The following NRXN1 variants were observed in gnomAD, a reference collection of about 807,000 sequenced individuals.
NRXN1 encodes neurexin-1.
A neutral mutation model predicts 150.9 loss-of-function variants in NRXN1; 39 were observed. The ratio of observed to expected loss-of-function variants is 0.26; its 90% confidence interval spans 0.20 to 0.34. NRXN1 has a LOEUF of 0.34. NRXN1 is among the 10% of genes least tolerant of loss of function. The pLI is 1.00. For missense variants in NRXN1, 1,815 were observed against 1,949.9 expected (o/e 0.93, Z 1.30); for synonymous variants, 924 against 757.0 (o/e 1.22, Z -3.62).
intron 17 of NRXN1, among the ~76,000 whole-genome samples, chr2:50,422,784 TGA>T (rs1295098042): frequency 6.6e-6 from 1 of 152,188 alleles, no homozygotes; most frequent in Non-Finnish European, 1.5e-5. Context: ...CAACAAAAAT[TGA>T]GAGTTAGGTC....
At chr2:50,475,640 G>C (rs538714485) in intron 15 of NRXN1, among the ~76,000 whole-genome samples, 96 of 152,078 alleles carry the variant, frequency 6.3e-4, no homozygotes, top group African/African-American at 2.3e-3. Flanking sequence ...AGGTAGACGA[G>C]GTTGGCTTTA....
intron 17 of NRXN1, among the ~76,000 whole-genome samples, chr2:50,332,532 A>G (rs2076901567): frequency 6.6e-6 from 1 of 152,208 alleles, no homozygotes; most frequent in African/African-American, 2.4e-5. Flanking sequence ...CTGCAAGGAA[A>G]ATGTTAACCA....
At chr2:50,390,021 C>G (rs982177385) in intron 17 of NRXN1, among the ~76,000 whole-genome samples, 1 of 152,128 alleles carries the variant, frequency 6.6e-6, no homozygotes, top group African/African-American at 2.4e-5. Flanking sequence ...ATGCCTACAT[C>G]TTATACTTGA....
At chr2:50,910,541 C>A (rs1382188640) in intron 5 of NRXN1, among the ~76,000 whole-genome samples, 3 of 151,860 alleles carry the variant, frequency 2.0e-5, no homozygotes, top group African/African-American at 7.3e-5. Flanking sequence ...TATGCTTGTG[C>A]AACAAGATTT....
At chr2:50,013,127 A>C (rs1030887240) in intron 21 of NRXN1, among the ~76,000 whole-genome samples, 1 of 152,156 alleles carries the variant, frequency 6.6e-6, no homozygotes, top group South Asian at 2.1e-4. Flanking sequence ...TTTCATGTCC[A>C]ATAAAGTATT....
At chr2:50,792,630 C>T (rs1706211054) in intron 5 of NRXN1, among the ~76,000 whole-genome samples, 1 of 151,772 alleles carries the variant, frequency 6.6e-6, no homozygotes, top group African/African-American at 2.4e-5. Flanking sequence ...GAAATATTAC[C>T]AATGAGAAAA....
intron 17 of NRXN1, among the ~76,000 whole-genome samples, chr2:50,251,102 T>G (rs547879814): frequency 2.6e-5 from 4 of 151,926 alleles, no homozygotes; most frequent in South Asian, 2.1e-4. Context: ...TGTAATACAA[T>G]ATGTAATAGA....
At chr2:50,643,938 G>C (rs1226396257) in intron 5 of NRXN1, among the ~76,000 whole-genome samples, 2 of 151,808 alleles carry the variant, frequency 1.3e-5, no homozygotes, top group Non-Finnish European at 2.9e-5. Flanking sequence ...AATTGAGACT[G>C]TGAATTGAAT....
chr2:50,280,293 A>C (rs1256284568), intron 17 of NRXN1, among the ~76,000 whole-genome samples: 1 of 139,176 alleles, frequency 7.2e-6, no homozygotes, highest in Non-Finnish European at 1.6e-5. Flanking sequence ...AAAAAAAAAA[A>C]ACAGATATAT....
rs558469628 is a variant in NRXN1, at chr2:50,182,655, T to C, written c.3546+54134A>G. On this transcript the variant is annotated intron_variant, in intron 18 of 22. Coordinates refer to ENST00000401669, the MANE Select transcript of NRXN1 (RefSeq NM_001330078.2). ...TGTCTTAAAACCTGCTCATTCCTTCTTCGAGCTGTCGCCATCCTCTACAAT... is the reference window on the plus strand; with the variant it reads ...TGTCTTAAAACCTGCTCATTCCTTCCTCGAGCTGTCGCCATCCTCTACAAT... Among the ~76,000 whole-genome samples the C allele has an allele frequency of 5.9e-5, 9 of 152,168 alleles. No individual in the cohort carries two copies. The South Asian group carries it at 1.2e-3, about 21-fold the overall frequency.
At chr2:50,720,259 A>G (rs1055029471) in intron 5 of NRXN1, among the ~76,000 whole-genome samples, 2 of 151,848 alleles carry the variant, frequency 1.3e-5, no homozygotes, top group Non-Finnish European at 2.9e-5. Context: ...CATTTTCGAA[A>G]CTCCCACAAG....
chr2:50,696,679 C>G (rs1472262187), intron 5 of NRXN1, among the ~76,000 whole-genome samples: 1 of 152,270 alleles, frequency 6.6e-6, no homozygotes, highest in Non-Finnish European at 1.5e-5. Context: ...CCATTAAAAC[C>G]AAAGCATGAA....
In NRXN1 at chr2:50,829,999, G is replaced by GGAAAAAAAAA. The variant is rs1425873902; in HGVS notation, c.832+91869_832+91870insTTTTTTTTTC. Reference sequence around the variant, plus strand: ...GGAACCCAAAGAATACTGCCTGCTGGAAAAAAAAAAAAAAAAAAAAAAAAA... The same window carrying GGAAAAAAAAA: ...GGAACCCAAAGAATACTGCCTGCTGGGAAAAAAAAAAAAAAAAAAAAAAAAAAAAAAAAAA... On this transcript the variant is annotated intron_variant, in intron 5 of 22. Transcript: ENST00000401669. 7.2e-4 allele frequency among the ~76,000 whole-genome samples: 42 copies of GGAAAAAAAAA among 58,180 alleles called. 4 individuals are homozygous for GGAAAAAAAAA. In the East Asian group the frequency reaches 0.011, roughly 16 times the overall value. 38.2% of individuals were successfully genotyped at this position (58,180 alleles called of 152,430 possible).
At chr2:50,220,647 T>A (rs1023559630) in intron 18 of NRXN1, among the ~76,000 whole-genome samples, 1 of 152,046 alleles carries the variant, frequency 6.6e-6, no homozygotes, top group South Asian at 2.1e-4. Flanking sequence ...CAAAAACCCA[T>A]TTCAAATATC....
chr2:50,108,322 C>T (rs550895353), intron 18 of NRXN1, among the ~76,000 whole-genome samples: 10 of 151,948 alleles, frequency 6.6e-5, no homozygotes, highest in Non-Finnish European at 1.5e-4. Flanking sequence ...GCATATATTG[C>T]CATTTACCAT....
chr2:50,514,108 T>G (rs913423997), intron 12 of NRXN1, among the ~76,000 whole-genome samples: 4 of 152,180 alleles, frequency 2.6e-5, no homozygotes, highest in Non-Finnish European at 5.9e-5. Context: ...GTTATTTCAG[T>G]GGTTAATCTG....
At chr2:50,492,841 A>T (rs962086374) in intron 15 of NRXN1, among the ~76,000 whole-genome samples, 1 of 152,238 alleles carries the variant, frequency 6.6e-6, no homozygotes, top group African/African-American at 2.4e-5. Context: ...AAGTGAGTTA[A>T]ATTTGGCCTC....
At chr2:50,406,304 G>GA (rs1360007835) in intron 17 of NRXN1, among the ~76,000 whole-genome samples, 19 of 151,444 alleles carry the variant, frequency 1.3e-4, no homozygotes, top group Admixed American at 6.6e-4. Context: ...AAATAAAGGG[G>GA]AAAAAAAAGA....
intron 2 of NRXN1, among the ~76,000 whole-genome samples, chr2:50,959,701 C>T (rs1055632166): frequency 5.3e-5 from 8 of 152,000 alleles, no homozygotes; most frequent in African/African-American, 1.9e-4. Context: ...TGCTAAAATC[C>T]ACTGAATTGT....
Sources: allele counts gnomAD v4.1 joint callset (sites outside exome capture counted in the v4.1 genomes callset), GRCh38; gene constraint gnomAD v4.1.1; transcripts MANE v1.5; gene names NCBI Gene and HGNC (gene_info 2026-07-23, HGNC 2026-07-21).